The following MAMLD1 variants were observed in gnomAD, a reference collection of about 807,000 sequenced individuals.
MAMLD1 encodes mastermind like domain containing 1.
MAMLD1 carries 14 observed loss-of-function variants against 45.0 expected under a neutral mutation model. The observed-to-expected ratio is 0.31, with a 90% CI of 0.21 to 0.49. The LOEUF is 0.49. MAMLD1 is among the 20% of genes least tolerant of loss of function. The probability of loss-of-function intolerance (pLI) is 0.99; values close to 1 mark genes in which losing one functional copy is unlikely to be tolerated. For missense variants in MAMLD1, 543 were observed against 603.6 expected (o/e 0.90, Z 1.05); for synonymous variants, 254 against 247.8 (o/e 1.02, Z -0.24).
At chrX:150,362,594 G>A (rs1557400526), upstream of MAMLD1, among the ~76,000 whole-genome samples, 1 of 111,010 alleles carries the variant, frequency 9.0e-6, no homozygotes, top group East Asian at 2.9e-4. Flanking sequence ...GGTCCTGAGC[G>A]CTCTCTCGCC....
At position 150,512,667 on chromosome X, in the gene MAMLD1, C is replaced by A; in HGVS notation, c.*708C>A. The A allele has an allele frequency of 1.7e-6, 2 of 1,150,087 alleles. No individual in the cohort carries two copies. The highest frequency in any genetic ancestry group is 2.3e-6 in the Non-Finnish European group (2 of 869,170). 94.8% of individuals were successfully genotyped at this position (1,150,087 alleles called of 1,213,427 possible). Reference sequence around the variant, plus strand: ...CAGGGCCCGGTGCCTGTAGCAAACACCACCAAGTTCCTCCAGCAGGGTATG... The same window carrying A: ...CAGGGCCCGGTGCCTGTAGCAAACAACACCAAGTTCCTCCAGCAGGGTATG... On this transcript the variant is annotated 3_prime_UTR_variant, in exon 8 of 8. Coordinates refer to ENST00000370401, the MANE Select transcript of MAMLD1 (RefSeq NM_005491.5).
chrX:150,410,796 G>A (rs1170048535), intron 1 of MAMLD1, among the ~76,000 whole-genome samples: 1 of 111,700 alleles, frequency 9.0e-6, no homozygotes, highest in Non-Finnish European at 1.9e-5. Flanking sequence ...CAGTGGCAGA[G>A]CTAAGATTCA....
At position 150,471,052 on chromosome X, in the gene MAMLD1, A is replaced by G. The variant is rs1006671256; in HGVS notation, c.1479A>G (p.Gln493=). Residue 493 remains glutamine, a synonymous_variant, in exon 4 of 8, where the codon CAA becomes CAG. Transcript: ENST00000370401. ...CCACCAGTAATCTTCTAAGCCAGCA[A>G]CAGCAGCAGCAGCAGCAGCAGCAGC... ...LTPTSNLLSQ[Q]QQQQQQQQQA... 11 of 1,207,869 alleles carry G rather than the reference A, an allele frequency of 9.1e-6. No individual in the cohort carries two copies. The highest frequency in any genetic ancestry group is 7.1e-5 in the African/African-American group (4 of 56,386).
intron 1 of MAMLD1, among the ~76,000 whole-genome samples, chrX:150,403,380 A>C (rs2033869690): frequency 8.9e-6 from 1 of 112,079 alleles, no homozygotes; most frequent in Admixed American, 9.4e-5. Context: ...GGAACTAGCT[A>C]GAAAGTATAG....
At chrX:150,494,588 C>T (rs1005531885) in intron 5 of MAMLD1, among the ~76,000 whole-genome samples, 10 of 109,931 alleles carry the variant, frequency 9.1e-5, no homozygotes, top group Non-Finnish European at 1.1e-4. Context: ...TTTTCAAAAC[C>T]TTAGTGGCGG....
intron 1 of MAMLD1, among the ~76,000 whole-genome samples, chrX:150,429,863 G>T (rs1225111536): frequency 1.8e-5 from 2 of 109,439 alleles, no homozygotes; most frequent in Non-Finnish European, 3.8e-5. Context: ...AGTAGGTAGT[G>T]GTATCTCATT....
chrX:150,471,227 C>T lies in MAMLD1; in HGVS notation c.1654C>T (p.Pro552Ser), dbSNP rs868925535. 1 of 1,211,712 alleles carries T rather than the reference C, an allele frequency of 8.3e-7. No homozygotes were observed. Among genetic ancestry groups the T allele is most frequent in the Non-Finnish European group, 1.1e-6 (1 of 895,493 alleles). Reference protein sequence around the residue: ...TKPLSHFVSEPGPQKMPSMPT... With the variant: ...TKPLSHFVSESGPQKMPSMPT... ...GCCCTTGTCCCATTTTGTTTCTGAG[C>T]CGGGTCCCCAGAAGATGCCCTCCAT... Residue 552 changes from proline to serine, a missense_variant, in exon 4 of 8, where the codon CCG (proline) becomes TCG (serine). Pro to Ser is a moderately conservative substitution (Grantham distance 74). Coordinates refer to ENST00000370401, the MANE Select transcript of MAMLD1 (RefSeq NM_005491.5).
At chrX:150,403,929 G>GAA (rs1483226726) in intron 1 of MAMLD1, among the ~76,000 whole-genome samples, 1 of 45,051 alleles carries the variant, frequency 2.2e-5, no homozygotes, top group East Asian at 5.4e-4. Context: ...AAGAAAGACA[G>GAA]AGAAAGAAAG....
chrX:150,503,322 G>A lies in MAMLD1; in HGVS notation c.2089G>A (p.Val697Ile), dbSNP rs1458155034. 6.6e-6 allele frequency: 8 copies of A among 1,212,205 alleles called. No individual in the cohort carries two copies. Among genetic ancestry groups the A allele is most frequent in the African/African-American group, 1.7e-5 (1 of 57,985 alleles). Residue 697 changes from valine (V) to isoleucine (I), a missense_variant, in exon 6 of 8, where the codon GTC becomes ATC. Transcript: ENST00000370401. The part of the protein sequence containing the change: ...CKLGEARHPQ[V>I]SLGRQPPSCQ... ...GCTTGGGGAAGCCAGGCACCCCCAG[G>A]TCAGCCTCGGGCGACAGCCCCCGTC...
chrX:150,401,279 GACAA>G (rs2033746944), intron 1 of MAMLD1, among the ~76,000 whole-genome samples: 1 of 106,273 alleles, frequency 9.4e-6, no homozygotes, highest in African/African-American at 3.5e-5. Flanking sequence ...ACCAACAACA[GACAA>G]ACAGAGAGCC....
At chrX:150,386,179 C>T (rs1315714082) in intron 1 of MAMLD1, among the ~76,000 whole-genome samples, 1 of 111,127 alleles carries the variant, frequency 9.0e-6, no homozygotes, top group Non-Finnish European at 1.9e-5. Flanking sequence ...TAAAGTCATG[C>T]ACAACATCTG....
At chrX:150,403,977 A>AAAGAAAG (rs1480620803) in intron 1 of MAMLD1, among the ~76,000 whole-genome samples, 4 of 99,121 alleles carry the variant, frequency 4.0e-5, no homozygotes, top group Non-Finnish European at 2.0e-5. Flanking sequence ...AGAAAGAAAG[A>AAAGAAAG]AAGAAAGAAA....
intron 1 of MAMLD1, among the ~76,000 whole-genome samples, chrX:150,377,990 C>T (rs181852076): frequency 1.8e-5 from 2 of 112,019 alleles, no homozygotes; most frequent in African/African-American, 6.5e-5. Flanking sequence ...AATCAGGAAG[C>T]TAATAGTGGT....
At chrX:150,425,874 G>C (rs1165628370) in intron 1 of MAMLD1, among the ~76,000 whole-genome samples, 2 of 112,278 alleles carry the variant, frequency 1.8e-5, no homozygotes, top group African/African-American at 6.5e-5. Flanking sequence ...GAAATGCTCT[G>C]TGTAAATTGT....
At chrX:150,408,930 G>A (rs1189615292) in intron 1 of MAMLD1, among the ~76,000 whole-genome samples, 6 of 112,050 alleles carry the variant, frequency 5.4e-5, no homozygotes, top group African/African-American at 1.9e-4. Context: ...AAGATAGGGA[G>A]TGGCAAAGGA....
chrX:150,370,800 T>C (rs1403488473), intron 1 of MAMLD1, among the ~76,000 whole-genome samples: 4 of 111,317 alleles, frequency 3.6e-5, no homozygotes, highest in South Asian at 3.8e-4. Context: ...TCCAAAGCAA[T>C]CAGATATGAA....
rs781974416 is a variant in MAMLD1, at chrX:150,365,049, G to A, written c.-64+1519G>A. 8.9e-3 allele frequency among the ~76,000 whole-genome samples: 1,002 copies of A among 112,174 alleles called. 6 individuals carry two copies. The highest frequency in any genetic ancestry group is 0.013 in the Non-Finnish European group (712 of 52,934). On this transcript the variant is annotated intron_variant, in intron 1 of 7. Transcript: ENST00000370401. ...GCAGCTCTGGGCCCCTGGAGGCCGC[G>A]CAGCTTCTTTCCTTCCCTCCCTCCC...
At chrX:150,504,268 T>C in intron 6 of MAMLD1, 1 of 753,010 alleles carries the variant, frequency 1.3e-6, no homozygotes. Context: ...ATCTGGTGCA[T>C]AAAATATCAA....
At chrX:150,414,169 T>C (rs895687927) in intron 1 of MAMLD1, among the ~76,000 whole-genome samples, 7 of 109,998 alleles carry the variant, frequency 6.4e-5, no homozygotes, top group African/African-American at 2.3e-4. Flanking sequence ...TTCAGGAACA[T>C]ACTATTAAAA....
Sources: gnomAD v4.1 joint callset for allele counts (sites outside exome capture counted in the v4.1 genomes callset) on GRCh38, gnomAD v4.1.1 for gene constraint, MANE v1.5 for transcripts, NCBI Gene and HGNC (gene_info 2026-07-23, HGNC 2026-07-21) for gene names.